Variants in ATAD1 observed in about 807,000 individuals in gnomAD.
ATAD1 encodes outer mitochondrial transmembrane helix translocase.
Under a neutral mutation model 42.7 loss-of-function variants are expected in ATAD1, and 18 were observed. The observed-to-expected ratio is 0.42, with a 90% CI of 0.29 to 0.63. ATAD1 has a LOEUF of 0.63. Among genes scored for constraint, ATAD1 ranks in the 20% least tolerant of loss-of-function variants. The pLI is 0.19. For synonymous variants in ATAD1, 132 were observed against 143.1 expected (o/e 0.92, Z 0.55); for missense variants, 294 against 440.4 (o/e 0.67, Z 2.98).
intron 8 of ATAD1, among the ~76,000 whole-genome samples, chr10:87,764,232 C>T (rs1409051625): frequency 6.6e-6 from 1 of 151,878 alleles, no homozygotes; most frequent in Non-Finnish European, 1.5e-5. Context: ...GACCGATGCA[C>T]GTGGATCACT....
intron 3 of ATAD1, 28 bp downstream of exon 3, chr10:87,792,629 A>T: frequency 6.7e-7 from 1 of 1,498,380 alleles, no homozygotes; most frequent in South Asian, 1.1e-5. Context: ...CCTCTAAAAA[A>T]ATCTTAAATA....
At chr10:87,784,401 C>T in intron 5 of ATAD1, 69 bp downstream of exon 5, 38 of 1,459,440 alleles carry the variant, frequency 2.6e-5, no homozygotes, top group Non-Finnish European at 3.6e-5. Flanking sequence ...ATGTTAAAAA[C>T]TAAATCTGGT....
chr10:87,809,693 G>C (rs1446872428), intron 2 of ATAD1, among the ~76,000 whole-genome samples: 1 of 151,078 alleles, frequency 6.6e-6, no homozygotes, highest in Admixed American at 6.6e-5. Context: ...TTTCTCTCTT[G>C]TTGCCCAGGC....
At chr10:87,789,654 G>T (rs1391775190) in intron 4 of ATAD1, among the ~76,000 whole-genome samples, 2 of 152,044 alleles carry the variant, frequency 1.3e-5, no homozygotes, top group Non-Finnish European at 2.9e-5. Context: ...CCTGGGAGGC[G>T]GAAGTTGCAG....
chr10:87,782,607 C>T (rs867207606), intron 5 of ATAD1, among the ~76,000 whole-genome samples: 1 of 151,994 alleles, frequency 6.6e-6, no homozygotes, highest in Non-Finnish European at 1.5e-5. Flanking sequence ...ATATTCTAAA[C>T]GTTTCACTAA....
At chr10:87,791,724 A>G (rs1010795378) in intron 3 of ATAD1, among the ~76,000 whole-genome samples, 1 of 152,170 alleles carries the variant, frequency 6.6e-6, no homozygotes, top group Non-Finnish European at 1.5e-5. Context: ...TTAGGCAAAT[A>G]TTTTCTATTT....
At chr10:87,825,632 C>T (rs533814437) in intron 1 of ATAD1, among the ~76,000 whole-genome samples, 1 of 150,742 alleles carries the variant, frequency 6.6e-6, no homozygotes, top group African/African-American at 2.4e-5. Context: ...TTCCTATTAA[C>T]CTCAGGGACA....
intron 1 of ATAD1, among the ~76,000 whole-genome samples, chr10:87,829,456 A>T (rs962040808): frequency 3.9e-5 from 6 of 152,000 alleles, no homozygotes; most frequent in Non-Finnish European, 8.8e-5. Context: ...GGGTTTCACC[A>T]TGTTGGCCAG....
At chr10:87,792,840 G>A in intron 2 of ATAD1, 85 bp from the exon 3 acceptor site, 2 of 980,010 alleles carry the variant, frequency 2.0e-6, no homozygotes, top group Admixed American at 3.9e-5. Context: ...AGTCTAAAGA[G>A]CAATGAACAG....
chr10:87,826,349 T>A (rs1857729735), intron 1 of ATAD1, among the ~76,000 whole-genome samples: 1 of 152,216 alleles, frequency 6.6e-6, no homozygotes, highest in African/African-American at 2.4e-5. Context: ...ATATCAGCAA[T>A]TCTGAAACCT....
chr10:87,801,656 C>T (rs1018978376), intron 2 of ATAD1, among the ~76,000 whole-genome samples: 2 of 152,188 alleles, frequency 1.3e-5, no homozygotes, highest in Non-Finnish European at 2.9e-5. Context: ...AATAAATTCC[C>T]TTGTCAACTA....
chr10:87,756,965 A>ATAT, intron 8 of ATAD1, 43 bp from the exon 9 acceptor site: 1 of 1,501,058 alleles, frequency 6.7e-7, no homozygotes, highest in Non-Finnish European at 9.0e-7. Flanking sequence ...AAAAATAAAT[A>ATAT]TATTGTAAAT....
At chr10:87,812,066 A>C (rs538522380) in intron 2 of ATAD1, among the ~76,000 whole-genome samples, 1 of 152,244 alleles carries the variant, frequency 6.6e-6, no homozygotes, top group Admixed American at 6.5e-5. Context: ...CACTCAAGTC[A>C]TTCCTTTTGT....
intron 6 of ATAD1, among the ~76,000 whole-genome samples, chr10:87,774,643 G>C (rs1368649902): frequency 6.6e-6 from 1 of 152,058 alleles, no homozygotes; most frequent in East Asian, 1.9e-4. Flanking sequence ...AAATATGAAA[G>C]AGACGTTAAA....
At chr10:87,801,155 A>G (rs755646025) in intron 2 of ATAD1, among the ~76,000 whole-genome samples, 8 of 152,182 alleles carry the variant, frequency 5.3e-5, no homozygotes, top group Admixed American at 5.2e-4. Flanking sequence ...TGCTGTTTTT[A>G]TTAGGCCTTA....
intron 2 of ATAD1, among the ~76,000 whole-genome samples, chr10:87,799,050 C>T (rs1381571125): frequency 1.3e-5 from 2 of 152,020 alleles, no homozygotes; most frequent in African/African-American, 4.8e-5. Context: ...AATACTTCAT[C>T]AGGAAAAAAG....
chr10:87,831,076 C>G (rs2132109569), intron 1 of ATAD1, among the ~76,000 whole-genome samples: 1 of 152,294 alleles, frequency 6.6e-6, no homozygotes, highest in East Asian at 1.9e-4. Flanking sequence ...TTTAACCTCT[C>G]TGAGCCTTGG....
chr10:87,755,808 C>T (rs538926256), intron 9 of ATAD1, among the ~76,000 whole-genome samples: 1 of 152,050 alleles, frequency 6.6e-6, no homozygotes, highest in Non-Finnish European at 1.5e-5. Flanking sequence ...GAGACTGAGA[C>T]AGGAGAATCG....
At chr10:87,814,794 T>C in intron 1 of ATAD1, 182 bp from the exon 2 acceptor site, 1 of 404,192 alleles carries the variant, frequency 2.5e-6, no homozygotes, top group Non-Finnish European at 4.2e-6. Context: ...AGTAAACAAA[T>C]ACATTTAAAG....
Sources: allele counts gnomAD v4.1 joint callset (sites outside exome capture counted in the v4.1 genomes callset), GRCh38; gene constraint gnomAD v4.1.1; transcripts MANE v1.5; gene names NCBI Gene and HGNC (gene_info 2026-07-23, HGNC 2026-07-21).